The following MAGI1 variants were observed in gnomAD, a reference collection of about 807,000 sequenced individuals.
MAGI1 encodes membrane associated guanylate kinase, WW and PDZ domain containing 1.
In MAGI1, 58 loss-of-function variants were observed where a neutral mutation model predicts 139.9. That is an observed-to-expected ratio of 0.41 (90% CI 0.34 to 0.52). The LOEUF is 0.52. Ranked by LOEUF, MAGI1 falls within the 20% of genes least tolerant of loss-of-function variation. The probability of loss-of-function intolerance (pLI) is 0.12; values close to 1 mark genes in which losing one functional copy is unlikely to be tolerated. For synonymous variants in MAGI1, 812 were observed against 737.9 expected (o/e 1.10, Z -1.63); for missense variants, 1,874 against 1,901.6 (o/e 0.99, Z 0.27).
At chr3:65,957,536 A>AG (rs1196982423) in intron 1 of MAGI1, among the ~76,000 whole-genome samples, 2 of 32,416 alleles carry the variant, frequency 6.2e-5, no homozygotes, top group Non-Finnish European at 5.9e-5. Flanking sequence ...AAAAAAAAAG[A>AG]AAAAGAAAAG....
intron 3 of MAGI1, among the ~76,000 whole-genome samples, chr3:65,491,215 G>GCA (rs1394436740): frequency 2.0e-5 from 3 of 152,102 alleles, no homozygotes; most frequent in African/African-American, 7.2e-5. Context: ...TCCTTCTCTA[G>GCA]CATTCTAGAA....
At chr3:65,793,205 T>C (rs1355259193) in intron 1 of MAGI1, among the ~76,000 whole-genome samples, 2 of 152,222 alleles carry the variant, frequency 1.3e-5, no homozygotes, top group Non-Finnish European at 2.9e-5. Context: ...CATTATCAGG[T>C]GTGCACCATG....
chr3:65,809,021 C>T (rs1266946102), intron 1 of MAGI1, among the ~76,000 whole-genome samples: 1 of 152,126 alleles, frequency 6.6e-6, no homozygotes, highest in Non-Finnish European at 1.5e-5. Context: ...AAAGTACAGA[C>T]ATTTAATCTG....
At chr3:65,823,915 G>C (rs2042079292) in intron 1 of MAGI1, among the ~76,000 whole-genome samples, 1 of 152,114 alleles carries the variant, frequency 6.6e-6, no homozygotes, top group Non-Finnish European at 1.5e-5. Flanking sequence ...CAGAATTTAA[G>C]AAACTGGGTA....
At chr3:65,414,543 C>T (rs1946043437) in intron 12 of MAGI1, among the ~76,000 whole-genome samples, 1 of 152,192 alleles carries the variant, frequency 6.6e-6, no homozygotes, top group Admixed American at 6.5e-5. Context: ...TTCGGCAGCT[C>T]TGCTTTCGTA....
intron 2 of MAGI1, among the ~76,000 whole-genome samples, chr3:65,507,702 T>C (rs934264308): frequency 9.9e-5 from 15 of 152,226 alleles, no homozygotes; most frequent in Non-Finnish European, 2.1e-4. Flanking sequence ...CCCAGCTGAT[T>C]AACTGTTATT....
At chr3:65,480,161 C>CAAA (rs55886178) in intron 3 of MAGI1, among the ~76,000 whole-genome samples, 2,503 of 140,452 alleles carry the variant, frequency 0.018, 47 homozygotes, top group African/African-American at 0.045. Flanking sequence ...ACACAAGCAC[C>CAAA]AAAAAAAAAA....
chr3:65,906,179 T>G (rs888559730), intron 1 of MAGI1, among the ~76,000 whole-genome samples: 5 of 152,102 alleles, frequency 3.3e-5, no homozygotes, highest in African/African-American at 1.2e-4. Context: ...AAAGAATATA[T>G]TACTCGAAAT....
intron 2 of MAGI1, among the ~76,000 whole-genome samples, chr3:65,528,835 C>T (rs2107832655): frequency 6.6e-6 from 1 of 152,258 alleles, no homozygotes; most frequent in African/African-American, 2.4e-5. Flanking sequence ...TGCTTGAGCC[C>T]AGAAGTTTGA....
intron 1 of MAGI1, among the ~76,000 whole-genome samples, chr3:65,953,053 A>T (rs1012937590): frequency 1.3e-5 from 2 of 152,182 alleles, no homozygotes; most frequent in African/African-American, 2.4e-5. Context: ...GGAAAGGTTA[A>T]GTAATTTGCC....
At chr3:65,818,371 G>A (rs2041741150) in intron 1 of MAGI1, among the ~76,000 whole-genome samples, 1 of 152,140 alleles carries the variant, frequency 6.6e-6, no homozygotes, top group Non-Finnish European at 1.5e-5. Context: ...TGGTCTGATG[G>A]AACAGCATCT....
intron 1 of MAGI1, among the ~76,000 whole-genome samples, chr3:65,727,574 T>G (rs1401857217): frequency 6.6e-6 from 1 of 152,188 alleles, no homozygotes; most frequent in Non-Finnish European, 1.5e-5. Context: ...GGAAGATATT[T>G]TATGATAAAC....
At chr3:65,777,448 T>G (rs1191147858) in intron 1 of MAGI1, among the ~76,000 whole-genome samples, 2 of 152,154 alleles carry the variant, frequency 1.3e-5, no homozygotes, top group African/African-American at 4.8e-5. Context: ...ATAAAGGGAC[T>G]ATATTTGGCA....
At chr3:65,700,541 T>C (rs542971077) in intron 1 of MAGI1, among the ~76,000 whole-genome samples, 23 of 152,284 alleles carry the variant, frequency 1.5e-4, no homozygotes, top group Admixed American at 9.1e-4. Context: ...TAATCATACA[T>C]GAATTGATCT....
intron 1 of MAGI1, among the ~76,000 whole-genome samples, chr3:65,893,324 T>C (rs988638256): frequency 5.3e-5 from 8 of 152,132 alleles, no homozygotes; most frequent in African/African-American, 1.4e-4. Context: ...AGATTTACTA[T>C]TCATTTTTCT....
chr3:65,371,705 T>G (rs1223580075), intron 18 of MAGI1, among the ~76,000 whole-genome samples: 1 of 152,200 alleles, frequency 6.6e-6, no homozygotes, highest in African/African-American at 2.4e-5. Context: ...CTTTATTAAC[T>G]TAAGTTGATT....
At chr3:65,896,802 T>C (rs2060988011) in intron 1 of MAGI1, among the ~76,000 whole-genome samples, 1 of 152,244 alleles carries the variant, frequency 6.6e-6, no homozygotes, top group South Asian at 2.1e-4. Flanking sequence ...AGGCTTTTCT[T>C]TGACATGGCA....
intron 18 of MAGI1, among the ~76,000 whole-genome samples, chr3:65,372,484 T>C (rs950339827): frequency 2.6e-5 from 4 of 152,220 alleles, no homozygotes; most frequent in Admixed American, 6.5e-5. Flanking sequence ...TCTAGGATTT[T>C]CAGAATAGCC....
chr3:65,783,064 T>C (rs778862113), intron 1 of MAGI1, among the ~76,000 whole-genome samples: 14 of 151,968 alleles, frequency 9.2e-5, no homozygotes, highest in Non-Finnish European at 1.5e-5. Context: ...ACTTTGGTGT[T>C]GCAAACAACA....
Sources: allele counts gnomAD v4.1 joint callset (sites outside exome capture counted in the v4.1 genomes callset), GRCh38; gene constraint gnomAD v4.1.1; transcripts MANE v1.5; gene names NCBI Gene and HGNC (gene_info 2026-07-23, HGNC 2026-07-21).